Variants in MYO3A observed in about 807,000 individuals in gnomAD.
MYO3A encodes myosin IIIA, also known as myosin-IIIa.
MYO3A carries 180 observed loss-of-function variants against 192.7 expected under a neutral mutation model. That is an observed-to-expected ratio of 0.93 (90% CI 0.83 to 1.06). The LOEUF is 1.06. Among genes scored for constraint, MYO3A ranks in the 50% least tolerant of loss-of-function variants. The pLI is 0.00. For synonymous variants in MYO3A, 628 were observed against 645.3 expected, an observed-to-expected ratio of 0.97 and a Z score of 0.41; for missense variants, 1,896 against 1,905.0, an observed-to-expected ratio of 1.00 and a Z score of 0.09.
intron 4 of MYO3A, among the ~76,000 whole-genome samples, chr10:25,980,530 T>C (rs893791018): frequency 1.3e-5 from 2 of 152,196 alleles, no homozygotes; most frequent in Admixed American, 6.5e-5. Flanking sequence ...TATATATAAA[T>C]GTGTCAATAC....
At position 26,170,491 on chromosome 10, in the gene MYO3A, A is replaced by C; in HGVS notation, c.3350A>C (p.Gln1117Pro). 1 of 1,613,326 alleles carries C rather than the reference A, an allele frequency of 6.2e-7. No individual in the cohort carries two copies. The highest frequency in any genetic ancestry group is 2.2e-5 in the East Asian group (1 of 44,800). Residue 1117 changes from glutamine (Q) to proline (P), a missense_variant, in exon 29 of 35, where the codon CAA becomes CCA. Gln to Pro is a moderately conservative substitution (Grantham distance 76). Transcript: ENST00000642920. ...AAAAACACAGCAGTAACAACCATTC[A>C]AACTTCTGATCAGGAATTCGACTAC... ...DMKNTAVTTI[Q>P]TSDQEFDYKK... is the part of the protein sequence containing the mutation.
chr10:26,014,452 T>C (rs546598519), intron 6 of MYO3A, among the ~76,000 whole-genome samples: 3 of 152,058 alleles, frequency 2.0e-5, no homozygotes, highest in Non-Finnish European at 4.4e-5. Flanking sequence ...CTTATTTAAC[T>C]TTAAAAAAAT....
intron 4 of MYO3A, among the ~76,000 whole-genome samples, chr10:25,986,342 G>A (rs906661067): frequency 6.6e-6 from 1 of 152,120 alleles, no homozygotes; most frequent in Admixed American, 6.5e-5. Context: ...CATAGTACTC[G>A]AATTCCTTGC....
intron 31 of MYO3A, among the ~76,000 whole-genome samples, chr10:26,178,035 A>G (rs1842417518): frequency 6.6e-6 from 1 of 152,194 alleles, no homozygotes; most frequent in Non-Finnish European, 1.5e-5. Context: ...TCCTGCTGTG[A>G]AGAAGAGAGA....
chr10:26,176,628 C>G, intron 30 of MYO3A, 73 bp from the exon 31 acceptor site: 1 of 1,432,856 alleles, frequency 7.0e-7, no homozygotes, highest in East Asian at 2.4e-5. Flanking sequence ...AAGGCGTTTC[C>G]CAGCCCCCGG....
In MYO3A at chr10:26,212,320, CCT is replaced by C; in HGVS notation, c.*363_*364del. 2.5e-6 allele frequency: 1 copy of C among 398,344 alleles called. No homozygotes were observed. Among genetic ancestry groups the C allele is most frequent in the Non-Finnish European group, 4.4e-6 (1 of 226,146 alleles). The allele number at this position is 398,344 out of a possible 1,614,324, so 24.7% of individuals were successfully genotyped here. A position where few individuals can be genotyped will look rare whatever the true frequency, so the allele number is the denominator to read the frequency against. ...CACTGCGCCTGGGATCTCGCCAACC[CCT>C]CTCTCATTTGGGGTGACTGAATTCA... On this transcript the variant is annotated 3_prime_UTR_variant, in exon 35 of 35. Coordinates refer to ENST00000642920, the MANE Select transcript of MYO3A (RefSeq NM_017433.5).
intron 10 of MYO3A, among the ~76,000 whole-genome samples, chr10:26,051,227 C>A (rs1318078396): frequency 6.6e-6 from 1 of 152,106 alleles, no homozygotes; most frequent in Non-Finnish European, 1.5e-5. Context: ...TTCTTTATCA[C>A]TGTATCAAAT....
intron 32 of MYO3A, among the ~76,000 whole-genome samples, chr10:26,194,000 A>G (rs2132157060): frequency 6.6e-6 from 1 of 152,314 alleles, no homozygotes; most frequent in African/African-American, 2.4e-5. Flanking sequence ...CTCATAAACC[A>G]AGAACCTGGG....
At chr10:26,179,113 T>TTTTTTTTTG (rs1386278741) in intron 31 of MYO3A, among the ~76,000 whole-genome samples, 3 of 141,932 alleles carry the variant, frequency 2.1e-5, no homozygotes, top group African/African-American at 8.1e-5. Context: ...TTTTTTTTTT[T>TTTTTTTTTG]TTGAGACGGA....
chr10:26,068,331 A>C (rs532353058), intron 11 of MYO3A, among the ~76,000 whole-genome samples: 1 of 152,286 alleles, frequency 6.6e-6, no homozygotes, highest in African/African-American at 2.4e-5. Flanking sequence ...TACTTCATAA[A>C]GCCAAAAGTC....
chr10:25,954,450 G>A (rs1158259807), intron 3 of MYO3A, among the ~76,000 whole-genome samples: 1 of 151,770 alleles, frequency 6.6e-6, no homozygotes, highest in Non-Finnish European at 1.5e-5. Flanking sequence ...CTGATTTTTG[G>A]ATAGCTTCTA....
intron 15 of MYO3A, 104 bp downstream of exon 15, chr10:26,088,509 T>C (rs1836482559): frequency 1.8e-6 from 2 of 1,102,292 alleles, no homozygotes; most frequent in Non-Finnish European, 2.7e-6. Context: ...ATTTATCACT[T>C]ACTATATGCA....
chr10:26,205,786 T>C (rs577124687), intron 34 of MYO3A, among the ~76,000 whole-genome samples: 1 of 151,588 alleles, frequency 6.6e-6, no homozygotes, highest in East Asian at 2.0e-4. Flanking sequence ...CCGGCTAATA[T>C]TTTTTTGTAT....
At chr10:25,948,012 C>A (rs1235911242) in intron 2 of MYO3A, among the ~76,000 whole-genome samples, 7 of 151,902 alleles carry the variant, frequency 4.6e-5, no homozygotes, top group Non-Finnish European at 1.0e-4. Flanking sequence ...AGTTGGGAGG[C>A]AAGATGGGAT....
intron 20 of MYO3A, among the ~76,000 whole-genome samples, chr10:26,138,466 T>G (rs1266173301): frequency 6.6e-6 from 1 of 152,228 alleles, no homozygotes; most frequent in Non-Finnish European, 1.5e-5. Context: ...AGTCAAATTC[T>G]AAGGAACACT....
At chr10:25,979,369 CA>C (rs929501447) in intron 4 of MYO3A, among the ~76,000 whole-genome samples, 22 of 146,188 alleles carry the variant, frequency 1.5e-4, no homozygotes, top group African/African-American at 5.6e-4. Context: ...ACCAGGGTCA[CA>C]AAATATTATC....
chr10:25,935,873 T>G (rs1588619134), intron 2 of MYO3A, 43 bp downstream of exon 2: 1 of 152,222 alleles, frequency 6.6e-6, no homozygotes, highest in African/African-American at 2.4e-5. Context: ...TGCCAGAACC[T>G]AAGTGCCAAG....
At chr10:26,087,010 C>T (rs1371554395) in intron 14 of MYO3A, among the ~76,000 whole-genome samples, 1 of 151,876 alleles carries the variant, frequency 6.6e-6, no homozygotes, top group Non-Finnish European at 1.5e-5. Context: ...AGATTCCTAC[C>T]CTTATCACAT....
chr10:25,947,290 T>A (rs946078695), intron 2 of MYO3A, among the ~76,000 whole-genome samples: 5 of 152,076 alleles, frequency 3.3e-5, no homozygotes, highest in African/African-American at 4.8e-5. Flanking sequence ...ATTTATCTGA[T>A]TTTGTACAGT....
Sources: gnomAD v4.1 joint callset for allele counts (sites outside exome capture counted in the v4.1 genomes callset) on GRCh38, gnomAD v4.1.1 for gene constraint, MANE v1.5 for transcripts, NCBI Gene and HGNC (gene_info 2026-07-23, HGNC 2026-07-21) for gene names.